Variants in NMUR1 observed in about 807,000 individuals in gnomAD.
NMUR1 encodes neuromedin-U receptor 1.
In NMUR1, 16 loss-of-function variants were observed where a neutral mutation model predicts 18.8. The ratio of observed to expected loss-of-function variants is 0.85; its 90% CI spans 0.58 to 1.29. The LOEUF is 1.29. Among genes scored for constraint, NMUR1 ranks in the 50% most tolerant of loss-of-function variants. The pLI, the probability that NMUR1 is intolerant of heterozygous loss-of-function variation, is 0.00. For missense variants in NMUR1, 529 were observed against 580.3 expected (o/e 0.91, Z 0.91); for synonymous variants, 258 against 258.2 (o/e 1.00, Z 0.01).
chr2:231,528,743 G>A lies in NMUR1; in HGVS notation c.278C>T (p.Thr93Met), dbSNP rs201125357. ...GCTGAAGAGGTAGTAGTTGGTAGGC[G>A]TGCGCATGGCCTTGTGGCGCAGGAT... is the stretch of plus-strand genomic sequence containing the variant. ...LVILRHKAMRTPTNYYLFSLA... is the reference protein window; with the variant it reads ...LVILRHKAMRMPTNYYLFSLA... Residue 93 changes from threonine to methionine, a missense_variant, in exon 2 of 3, where the codon ACG (threonine) becomes ATG (methionine). Coordinates refer to ENST00000305141, the MANE Select transcript of NMUR1 (RefSeq NM_006056.5). The A allele has an allele frequency of 1.4e-5, 23 of 1,614,230 alleles. No individual in the cohort carries two copies. Among genetic ancestry groups the A allele is most frequent in the Admixed American group, 3.3e-5 (2 of 60,032 alleles).
At chr2:231,519,337 C>T (rs537517206), downstream of NMUR1, among the ~76,000 whole-genome samples, 3 of 152,360 alleles carry the variant, frequency 2.0e-5, no homozygotes, top group South Asian at 4.1e-4. Context: ...CGCACCTATG[C>T]GTCAGGCCTT....
chr2:231,526,809 G>A (rs1242885179), intron 2 of NMUR1, among the ~76,000 whole-genome samples: 3 of 152,230 alleles, frequency 2.0e-5, no homozygotes, highest in Admixed American at 1.3e-4. Flanking sequence ...ATGCAGGTAG[G>A]TGGATGGGGC....
rs993092339 is a variant in NMUR1 at position 231,525,505 on chromosome 2, A to G, written c.899-80T>C. 2.7e-6 allele frequency: 4 copies of G among 1,470,740 alleles called. No individual in the cohort carries two copies. The South Asian group carries it at 4.0e-5, about 15-fold the overall frequency. 91.1% of individuals were successfully genotyped at this position (1,470,740 alleles called of 1,614,324 possible). On this transcript the variant is annotated intron_variant, in intron 2 of 2. Transcript: ENST00000305141. ...TCCCGGGCTTCAGTTTGGGTCACCC[A>G]TTTTCACATCCTCTCCTATCCCACA...
rs11673905 is a variant in NMUR1 at position 231,523,324 on chromosome 2, T to C, written c.*1719A>G. ...TTCAGTGTATAGTTCAGTATTGTTA[T>C]GTATATTCATATTGTTGCACAACTG... On this transcript the variant is annotated 3_prime_UTR_variant, in exon 3 of 3. Coordinates refer to ENST00000305141, the MANE Select transcript of NMUR1 (RefSeq NM_006056.5). 106,386 of 354,854 alleles carry C rather than the reference T, an allele frequency of 0.3. 17,462 individuals carry two copies. The highest frequency in any genetic ancestry group is 0.51 in the East Asian group (13,495 of 26,544). 22.0% of individuals were successfully genotyped at this position (354,854 alleles called of 1,614,324 possible). A position where few individuals can be genotyped will look rare whatever the true frequency, so the allele number is the denominator to read the frequency against.
intron 1 of NMUR1, 78 bp downstream of exon 1, chr2:231,530,281 G>T: frequency 1.4e-6 from 2 of 1,477,100 alleles, no homozygotes; most frequent in South Asian, 1.2e-5. Flanking sequence ...GACCCTTCCC[G>T]CCCTAGGACG....
chr2:231,518,528 G>A (rs941300568), downstream of NMUR1, among the ~76,000 whole-genome samples: 3 of 152,170 alleles, frequency 2.0e-5, no homozygotes, highest in Non-Finnish European at 4.4e-5. Context: ...TTAAATTGAA[G>A]GGGGGTAATA....
chr2:231,526,893 A>G (rs1438829717), intron 2 of NMUR1, among the ~76,000 whole-genome samples: 2 of 152,174 alleles, frequency 1.3e-5, no homozygotes, highest in East Asian at 1.9e-4. Context: ...AGCCAGGTCC[A>G]GGCCACAGAG....
At chr2:231,527,334 G>A (rs2125666264) in intron 2 of NMUR1, among the ~76,000 whole-genome samples, 1 of 152,318 alleles carries the variant, frequency 6.6e-6, no homozygotes, top group South Asian at 2.1e-4. Flanking sequence ...AGAAGAACAA[G>A]GCCAAGACAC....
In NMUR1 at chr2:231,528,353, C is replaced by T. The variant is rs745649653; in HGVS notation, c.668G>A (p.Arg223His). 4.0e-5 allele frequency: 64 copies of T among 1,613,326 alleles called. No individual in the cohort carries two copies. In the Middle Eastern group the frequency reaches 9.9e-4, roughly 25 times the overall value. The stretch of plus-strand genomic sequence containing the variant: ...TACCATGTTGTAGAGGGCCCGTGGG[C>T]GGACCAGCATGCAAACAGCTGAGTC... ...VPDSAVCMLV[R>H]PRALYNMVVQ... is the part of the protein sequence containing the mutation. The change falls in exon 2 of 3, where the codon CGC becomes CAC. Residue 223 changes from arginine to histidine, a missense_variant. By Grantham distance (29) the Arg-to-His change is conservative (BLOSUM62 0). Transcript: ENST00000305141.
At position 231,524,950 on chromosome 2, in the gene NMUR1, C is replaced by T. The variant is rs1342250431; in HGVS notation, c.*93G>A. On this transcript the variant is annotated 3_prime_UTR_variant, in exon 3 of 3. Transcript: ENST00000305141. ...TTTCTAGGCTGAACTAGGGACAGTA[C>T]GTGAAGGCATCCCTGCAGAGGAAGG... is the stretch of plus-strand genomic sequence containing the variant. 3.4e-6 allele frequency: 5 copies of T among 1,461,082 alleles called. No individual in the cohort carries two copies. Among genetic ancestry groups the T allele is most frequent in the East Asian group, 2.3e-5 (1 of 43,644 alleles). The allele number at this position is 1,461,082 out of a possible 1,614,324, so 90.5% of individuals were successfully genotyped here.
intron 2 of NMUR1, among the ~76,000 whole-genome samples, 194 bp from the exon 3 acceptor site, chr2:231,525,619 G>C (rs11693717): frequency 4.6e-5 from 7 of 152,056 alleles, no homozygotes; most frequent in Non-Finnish European, 7.4e-5. Flanking sequence ...CCTCACCATG[G>C]TCACTGACTG....
In NMUR1 at chr2:231,528,454, G is replaced by A; in HGVS notation, c.567C>T (p.Ala189=). The A allele has an allele frequency of 6.2e-7, 1 of 1,613,640 alleles. No individual in the cohort carries two copies. Among genetic ancestry groups the A allele is most frequent in the South Asian group, 1.1e-5 (1 of 91,068 alleles). Residue 189 remains alanine (A), a synonymous_variant, in exon 2 of 3, where the codon GCC becomes GCT. Coordinates refer to ENST00000305141, the MANE Select transcript of NMUR1 (RefSeq NM_006056.5). ...TGGTGTTGGGCAGGGAGCAGAGCAT[G>A]GCAAGACCCCAGACGGCCCCAAGCA... is the stretch of plus-strand genomic sequence containing the variant. ...RRVLGAVWGL[A]MLCSLPNTSL... is the part of the protein sequence containing the mutation.
chr2:231,528,412 C>T lies in NMUR1; in HGVS notation c.609G>A (p.Arg203=). The T allele has an allele frequency of 2.5e-6, 4 of 1,613,728 alleles. No homozygotes were observed. The South Asian group carries it at 4.4e-5, about 18-fold the overall frequency. Residue 203 remains arginine (R), a synonymous_variant, in exon 2 of 3, where the codon CGG becomes CGA. Coordinates refer to ENST00000305141, the MANE Select transcript of NMUR1 (RefSeq NM_006056.5). ...SLPNTSLHGI[R]QLHVPCRGPV... ...GGCCCCGGCAGGGCACGTGCAGCTG[C>T]CGGATGCCGTGCAGGCTGGTGTTGG...
At chr2:231,522,232 G>A (rs1315025425), downstream of NMUR1, among the ~76,000 whole-genome samples, 1 of 151,718 alleles carries the variant, frequency 6.6e-6, no homozygotes, top group Non-Finnish European at 1.5e-5. Context: ...TGATCCACCT[G>A]CCTTGGCTTC....
chr2:231,518,854 C>T (rs546532394), downstream of NMUR1, among the ~76,000 whole-genome samples: 400 of 152,290 alleles, frequency 2.6e-3, 1 homozygote, highest in Non-Finnish European at 4.4e-3. Flanking sequence ...TGACATCCCT[C>T]ATTCCCTTTA....
intron 2 of NMUR1, 125 bp downstream of exon 2, chr2:231,527,998 A>G (rs1053489121): frequency 1.2e-5 from 12 of 963,532 alleles, no homozygotes; most frequent in Non-Finnish European, 1.8e-5. Context: ...ACACACACAC[A>G]CGAGACTAGA....
In NMUR1 at chr2:231,528,471, C is replaced by A. The variant is rs779624415; in HGVS notation, c.550G>T (p.Ala184Ser). Residue 184 changes from alanine to serine, a missense_variant, in exon 2 of 3, where the codon GCC becomes TCC. Ala to Ser is a moderately conservative substitution (Grantham distance 99, BLOSUM62 1). Transcript: ENST00000305141. Reference protein sequence around the residue: ...TRAHVRRVLGAVWGLAMLCSL... With the variant: ...TRAHVRRVLGSVWGLAMLCSL... ...CAGAGCATGGCAAGACCCCAGACGG[C>A]CCCAAGCACTCGGCGCACATGGGCC... 1.2e-6 allele frequency: 2 copies of A among 1,613,592 alleles called. No homozygotes were observed. Among genetic ancestry groups the A allele is most frequent in the Non-Finnish European group, 1.7e-6 (2 of 1,180,024 alleles).
chr2:231,528,281 A>C lies in NMUR1; in HGVS notation c.740T>G (p.Met247Arg). 1 of 1,613,842 alleles carries C rather than the reference A, an allele frequency of 6.2e-7. No individual in the cohort carries two copies. The highest frequency in any genetic ancestry group is 8.5e-7 in the Non-Finnish European group (1 of 1,179,768). Residue 247 changes from methionine (M) to arginine (R), a missense_variant, in exon 2 of 3, where the codon ATG becomes AGG. Physicochemically the swap from Met to Arg is moderately conservative, Grantham distance 91. Transcript: ENST00000305141. ...LLFFCLPMAI[M>R]SVLYLLIGLR... is the part of the protein sequence containing the mutation. ...CCCAATGAGCAGGTAGAGCACGCTC[A>C]TGATGGCCATGGGCAGGCAGAAGAA...
In NMUR1 at chr2:231,528,674, A is replaced by AG. The variant is rs1184405058; in HGVS notation, c.346dup (p.Leu116ProfsTer5). The AG allele has an allele frequency of 6.2e-7, 1 of 1,614,134 alleles. No homozygotes were observed. The highest frequency in any genetic ancestry group is 8.5e-7 in the Non-Finnish European group (1 of 1,180,040). On this transcript the variant is annotated frameshift_variant, in exon 2 of 3. Coordinates refer to ENST00000305141, the MANE Select transcript of NMUR1 (RefSeq NM_006056.5). LOFTEE classifies it high-confidence loss of function. ...GTTGTGCCACATCTCATAGAGCTCC[A>AG]GGGGCAGGCCCACCAGCAGCACCAG...
Sources: gnomAD v4.1 joint callset for allele counts (sites outside exome capture counted in the v4.1 genomes callset) on GRCh38, gnomAD v4.1.1 for gene constraint, MANE v1.5 for transcripts, NCBI Gene and HGNC (gene_info 2026-07-23, HGNC 2026-07-21) for gene names.